The following SLC9A1 variants were observed in gnomAD, a reference collection of about 807,000 sequenced individuals.
SLC9A1 encodes the protein solute carrier family 9 member A1.
SLC9A1 carries 22 observed loss-of-function variants against 67.9 expected under a neutral mutation model. The observed-to-expected ratio is 0.32, with a 90% CI of 0.23 to 0.46. The LOEUF is 0.46. SLC9A1 is among the 20% of genes least tolerant of loss of function. SLC9A1 has a pLI of 1.00. For missense variants in SLC9A1, 686 were observed against 1,094.8 expected (o/e 0.63, Z 5.27); for synonymous variants, 421 against 471.8 (o/e 0.89, Z 1.40).
Position 27,114,907 on chromosome 1 carries a change from A to G in SLC9A1, c.353-621T>C, listed in dbSNP as rs780930913. On this transcript the variant is annotated intron_variant, in intron 1 of 11. Transcript: ENST00000263980. The surrounding 1 kb of genome is among the most constrained non-coding windows in gnomAD (Gnocchi z 5.4). ...AAGGCCTGGGGTCTGCAAACCTGCA[A>G]AACAGTAGGCTTTCCTACTGAGTCC... Among the ~76,000 whole-genome samples the G allele has an allele frequency of 2.6e-5, 4 of 152,176 alleles. No homozygotes were observed. Among genetic ancestry groups the G allele is most frequent in the Non-Finnish European group, 5.9e-5 (4 of 68,022 alleles).
chr1:27,108,425 C>G (rs983308841), intron 3 of SLC9A1, among the ~76,000 whole-genome samples: 19 of 150,274 alleles, frequency 1.3e-4, no homozygotes, highest in Non-Finnish European at 2.1e-4. Context: ...CGCCTGTAAT[C>G]CCAGCACTTT....
chr1:27,101,584 T>C lies in SLC9A1; in HGVS notation c.2037+141A>G, dbSNP rs2083144983. 4 of 673,348 alleles carry C rather than the reference T, an allele frequency of 5.9e-6. No individual in the cohort carries two copies. The allele number at this position is 673,348 out of a possible 1,614,324, so 41.7% of individuals were successfully genotyped here. A position where few individuals can be genotyped will look rare whatever the true frequency, so the allele number is the denominator to read the frequency against. On this transcript the variant is annotated intron_variant, in intron 10 of 11. Transcript: ENST00000263980. The surrounding 1 kb of genome is among the most constrained non-coding windows in gnomAD (Gnocchi z 4.9). ...ACGCCAATCCCTTGCTTAGAACTCATGGCTCTCCATGCCCTTACACTGCTA... is the reference window on the plus strand; with the variant it reads ...ACGCCAATCCCTTGCTTAGAACTCACGGCTCTCCATGCCCTTACACTGCTA...
At chr1:27,145,890 AGGCG>A (rs1245190114) in intron 1 of SLC9A1, among the ~76,000 whole-genome samples, 3 of 152,236 alleles carry the variant, frequency 2.0e-5, no homozygotes, top group Admixed American at 2.0e-4. Flanking sequence ...ATCCCAGGGA[AGGCG>A]GGCAGCCCAC....
Position 27,147,299 on chromosome 1 carries a change from C to CAAAAA in SLC9A1, c.352+6679_352+6683dup, listed in dbSNP as rs57583944. 4.3e-3 allele frequency among the ~76,000 whole-genome samples: 188 copies of CAAAAA among 43,228 alleles called. 1 individual carries two copies. Among genetic ancestry groups the CAAAAA allele is most frequent in the Non-Finnish European group, 5.2e-3 (128 of 24,674 alleles). 28.4% of individuals were successfully genotyped at this position (43,228 alleles called of 152,430 possible). ...TGTGCAAAAGAGCGAGACTCTGTCT[C>CAAAAA]AAAAAAAAAAAAAAAAAAAAAAGAA... On this transcript the variant is annotated intron_variant, in intron 1 of 11. Transcript: ENST00000263980.
At chr1:27,111,165 C>T (rs1348480042) in intron 2 of SLC9A1, among the ~76,000 whole-genome samples, 2 of 152,084 alleles carry the variant, frequency 1.3e-5, no homozygotes, top group African/African-American at 4.8e-5. Context: ...AGGGCTCCAG[C>T]GGCAGACAGC....
At chr1:27,123,871 G>A (rs2083322392) in intron 1 of SLC9A1, among the ~76,000 whole-genome samples, 1 of 145,252 alleles carries the variant, frequency 6.9e-6, no homozygotes, top group African/African-American at 2.6e-5. Context: ...CAGTCACCCA[G>A]GCTGGAGGGC....
chr1:27,112,609 C>CGCAGTG (rs766456135), intron 2 of SLC9A1, among the ~76,000 whole-genome samples: 179 of 152,290 alleles, frequency 1.2e-3, no homozygotes, highest in Admixed American at 2.7e-3. Context: ...GCTGGCTGGG[C>CGCAGTG]GCAGTGGCTC....
chr1:27,131,738 T>C (rs1270048488), intron 1 of SLC9A1, among the ~76,000 whole-genome samples: 2 of 127,506 alleles, frequency 1.6e-5, no homozygotes, highest in Non-Finnish European at 3.3e-5. Flanking sequence ...AGAATGAGAC[T>C]CTGTCTCAAA....
At chr1:27,105,611 C>T (rs1570846575) in intron 5 of SLC9A1, 1 of 667,316 alleles carries the variant, frequency 1.5e-6, no homozygotes, top group Non-Finnish European at 2.8e-6. Context: ...ACCCACTTCT[C>T]TTAATGCTCT....
Position 27,154,378 on chromosome 1 carries a change from T to G in SLC9A1, c.-44A>C, listed in dbSNP as rs1462984409. On this transcript the variant is annotated 5_prime_UTR_variant, in exon 1 of 12. Coordinates refer to ENST00000263980, the MANE Select transcript of SLC9A1 (RefSeq NM_003047.5). ...AGCCTCGACCTTACCCAAATGAGAG[T>G]AAAACCGGGCACATAGGTAGCAAAG... 7.5e-7 allele frequency: 1 copy of G among 1,340,784 alleles called. No homozygotes were observed. 83.1% of individuals were successfully genotyped at this position (1,340,784 alleles called of 1,614,324 possible).
intron 1 of SLC9A1, among the ~76,000 whole-genome samples, chr1:27,122,367 T>C (rs2124169830): frequency 6.6e-6 from 1 of 152,200 alleles, no homozygotes; most frequent in Middle Eastern, 3.4e-3. Flanking sequence ...GAGTTTGGTC[T>C]CAAAGGTGGG....
At chr1:27,121,159 A>G (rs2083302273) in intron 1 of SLC9A1, among the ~76,000 whole-genome samples, 1 of 152,190 alleles carries the variant, frequency 6.6e-6, no homozygotes, top group South Asian at 2.1e-4. Flanking sequence ...TCATTCTTCC[A>G]AACAGCACTT....
chr1:27,107,555 A>G (rs1218595818), intron 4 of SLC9A1, 93 bp downstream of exon 4: 1 of 931,688 alleles, frequency 1.1e-6, no homozygotes, highest in Non-Finnish European at 1.7e-6. Flanking sequence ...CACATAGTGC[A>G]CTGCACACAC....
rs769612061 is a variant in SLC9A1 at position 27,100,757 on chromosome 1, C to T, written c.2111-113G>A. The T allele has an allele frequency of 1.6e-5, 13 of 836,428 alleles. No homozygotes were observed. Among genetic ancestry groups the T allele is most frequent in the Non-Finnish European group, 2.3e-5 (12 of 528,436 alleles). 51.8% of individuals were successfully genotyped at this position (836,428 alleles called of 1,614,324 possible). A position where few individuals can be genotyped will look rare whatever the true frequency, so the allele number is the denominator to read the frequency against. On this transcript the variant is annotated intron_variant, in intron 11 of 11. Coordinates refer to ENST00000263980, the MANE Select transcript of SLC9A1 (RefSeq NM_003047.5). This position sits in a 1 kb window ranked among gnomAD's most constrained non-coding sequence, Gnocchi z 5.6. ...GGCCTTCTCATGAGCACAGCCGTCC[C>T]GGTCCCAACAGGCCTCAGAAGCAGG...
At position 27,106,794 on chromosome 1, in the gene SLC9A1, C is replaced by T. The variant is rs1201157504; in HGVS notation, c.1283-707G>A. ...CTGCATGCGATTCGGCACATGCTCACGTCACCTGTCTTGAGACAGTGCAGA... is the reference window on the plus strand; with the variant it reads ...CTGCATGCGATTCGGCACATGCTCATGTCACCTGTCTTGAGACAGTGCAGA... On this transcript the variant is annotated intron_variant, in intron 4 of 11. Transcript: ENST00000263980. The surrounding 1 kb of genome is among the most constrained non-coding windows in gnomAD (Gnocchi z 4.3). 6.6e-6 allele frequency among the ~76,000 whole-genome samples: 1 copy of T among 151,996 alleles called. No individual in the cohort carries two copies. Among genetic ancestry groups the T allele is most frequent in the East Asian group, 1.9e-4 (1 of 5,180 alleles).
chr1:27,148,008 A>G (rs923988356), intron 1 of SLC9A1, among the ~76,000 whole-genome samples: 1 of 152,034 alleles, frequency 6.6e-6, no homozygotes, highest in Non-Finnish European at 1.5e-5. Flanking sequence ...AAAAAAAAAG[A>G]AAAAAGAAAA....
intron 1 of SLC9A1, among the ~76,000 whole-genome samples, chr1:27,136,202 A>T (rs2083419631): frequency 6.6e-6 from 1 of 152,218 alleles, no homozygotes; most frequent in Non-Finnish European, 1.5e-5. Flanking sequence ...CACTAAGGGA[A>T]GCCTGGCTCT....
chr1:27,124,640 G>C (rs1257331811), intron 1 of SLC9A1, among the ~76,000 whole-genome samples: 1 of 152,218 alleles, frequency 6.6e-6, no homozygotes, highest in Non-Finnish European at 1.5e-5. Flanking sequence ...GGGGAAGACA[G>C]ACCAGCAGCC....
At chr1:27,131,947 A>AAAAAATATATATATATATATATATAT in intron 1 of SLC9A1, among the ~76,000 whole-genome samples, 1 of 52,122 alleles carries the variant, frequency 1.9e-5, no homozygotes, top group African/African-American at 6.4e-5. Context: ...AGAAAAAAAA[A>AAAAAATATATATATATATATATATAT]ATATATATAT....
Sources: allele counts gnomAD v4.1 joint callset (sites outside exome capture counted in the v4.1 genomes callset), GRCh38; gene constraint gnomAD v4.1.1; non-coding constraint Gnocchi (gnomAD v3.1); transcripts MANE v1.5; gene names NCBI Gene and HGNC (gene_info 2026-07-23, HGNC 2026-07-21).